RGS5: variants seen among roughly 807,000 people sequenced by gnomAD.
RGS5 encodes the protein regulator of G protein signaling 5.
RGS5 carries 20 observed loss-of-function variants against 18.9 expected under a neutral mutation model. The observed-to-expected ratio is 1.06, with a 90% CI of 0.74 to 1.54. RGS5 has a LOEUF of 1.54. RGS5 is among the 40% of genes most tolerant of loss of function. The pLI is 0.00. For missense variants in RGS5, 201 were observed against 211.8 expected, an observed-to-expected ratio of 0.95 and a Z score of 0.32; for synonymous variants, 57 against 76.2, an observed-to-expected ratio of 0.75 and a Z score of 1.31.
chr1:163,180,699 T>TTTTTTTTG (rs1557893095), intron 1 of RGS5, among the ~76,000 whole-genome samples: 1 of 129,072 alleles, frequency 7.7e-6, no homozygotes, highest in African/African-American at 3.1e-5. Flanking sequence ...TTTTTTTTTT[T>TTTTTTTTG]TTTTTTTTTT....
In RGS5 at chr1:163,245,532, T is replaced by A. The variant is rs183738176; in HGVS notation, c.-281+60701A>T. Among the ~76,000 whole-genome samples the A allele has an allele frequency of 8.5e-5, 13 of 152,328 alleles. No homozygotes were observed. In the East Asian group the frequency reaches 1.7e-3, roughly 20 times the overall value. The stretch of plus-strand genomic sequence containing the variant: ...CAAGCATATCATAAGATCTTAAAAA[T>A]CAGGAACCAAGGTTTTTGTATCGCC... On this transcript the variant is annotated intron_variant, in intron 2 of 5. Transcript: ENST00000618415.
At chr1:163,215,327 T>G (rs1660193890) in intron 1 of RGS5, among the ~76,000 whole-genome samples, 2 of 152,218 alleles carry the variant, frequency 1.3e-5, no homozygotes, top group South Asian at 4.1e-4. Flanking sequence ...ACTAGCTATG[T>G]GACCTTAGGC....
At chr1:163,187,313 A>C (rs911206705) in intron 1 of RGS5, among the ~76,000 whole-genome samples, 3 of 152,236 alleles carry the variant, frequency 2.0e-5, no homozygotes, top group Non-Finnish European at 4.4e-5. Context: ...GCTAAATGAG[A>C]ATGGCTATGG....
chr1:163,298,120 G>A (rs1294306026), intron 2 of RGS5, among the ~76,000 whole-genome samples: 2 of 151,890 alleles, frequency 1.3e-5, no homozygotes, highest in Non-Finnish European at 2.9e-5. Flanking sequence ...CAATACACAA[G>A]GCAAAATGCA....
At chr1:163,212,983 C>T (rs1429580319) in intron 1 of RGS5, 5 of 152,146 alleles carry the variant, frequency 3.3e-5, no homozygotes, top group Non-Finnish European at 5.9e-5. Flanking sequence ...ACTTCTACCA[C>T]TTCCTAGACT....
intron 3 of RGS5, among the ~76,000 whole-genome samples, chr1:163,157,015 A>C (rs1657609301): frequency 6.6e-6 from 1 of 152,214 alleles, no homozygotes; most frequent in African/African-American, 2.4e-5. Flanking sequence ...AGAAGGAAGA[A>C]AACCAAAGAG....
chr1:163,207,365 T>A (rs944386515), upstream of RGS5, among the ~76,000 whole-genome samples: 1 of 152,230 alleles, frequency 6.6e-6, no homozygotes, highest in African/African-American at 2.4e-5. Context: ...GAGCAGTTTA[T>A]CTATAATGTA....
At chr1:163,222,472 A>T (rs1407270566), upstream of RGS5, among the ~76,000 whole-genome samples, 2 of 151,866 alleles carry the variant, frequency 1.3e-5, no homozygotes, top group Non-Finnish European at 2.9e-5. Context: ...ATATCACCTG[A>T]CCTCCATAAG....
chr1:163,282,517 T>G (rs12117853), intron 2 of RGS5, among the ~76,000 whole-genome samples: 45,934 of 151,728 alleles, frequency 0.3, 7,014 homozygotes, highest in Non-Finnish European at 0.32. Flanking sequence ...AAAACAAGCA[T>G]AGGCTAAGTG....
At chr1:163,181,004 A>G (rs796110138) in intron 1 of RGS5, among the ~76,000 whole-genome samples, 2 of 151,936 alleles carry the variant, frequency 1.3e-5, no homozygotes, top group African/African-American at 2.4e-5. Context: ...CCCTGTTCTT[A>G]TCCCTAGCAA....
intron 4 of RGS5, among the ~76,000 whole-genome samples, chr1:163,148,904 AG>A (rs2102379999): frequency 6.6e-6 from 1 of 152,298 alleles, no homozygotes; most frequent in East Asian, 1.9e-4. Flanking sequence ...ACACTGATAA[AG>A]GTTTTGGGTC....
In RGS5 at chr1:163,168,496, CA is replaced by C. The variant is rs1355265023; in HGVS notation, c.45-129del. On this transcript the variant is annotated intron_variant, in intron 1 of 4. Transcript: ENST00000313961. ...CATTTCACTTTTATTTTTCTTGTGG[CA>C]GAAAGAATACTAATGCAGAAATTAG... 4 of 677,440 alleles carry C rather than the reference CA, an allele frequency of 5.9e-6. No homozygotes were observed. The African/African-American group carries it at 7.1e-5, about 12-fold the overall frequency. 42.0% of individuals were successfully genotyped at this position (677,440 alleles called of 1,614,324 possible).
At chr1:163,291,897 C>T (rs971257766) in intron 2 of RGS5, among the ~76,000 whole-genome samples, 23 of 152,146 alleles carry the variant, frequency 1.5e-4, no homozygotes, top group Admixed American at 1.1e-3. Context: ...ATGACATGAT[C>T]TCTGTGGCAA....
chr1:163,283,784 G>C (rs1050034157), intron 2 of RGS5, among the ~76,000 whole-genome samples: 1 of 152,176 alleles, frequency 6.6e-6, no homozygotes, highest in Admixed American at 6.5e-5. Flanking sequence ...GCTGAGGGCA[G>C]CCTCCAGCTA....
chr1:163,293,458 G>A (rs1182845013), intron 2 of RGS5, among the ~76,000 whole-genome samples: 1 of 152,088 alleles, frequency 6.6e-6, no homozygotes, highest in Non-Finnish European at 1.5e-5. Context: ...ACAGCAAAGG[G>A]GAAACTGTCC....
At chr1:163,152,795 G>C in intron 3 of RGS5, 79 bp from the exon 4 acceptor site, 1 of 1,346,304 alleles carries the variant, frequency 7.4e-7, no homozygotes, top group Non-Finnish European at 1.0e-6. Context: ...GAAAGGGAAA[G>C]GGCTTAGCAA....
intron 1 of RGS5, among the ~76,000 whole-genome samples, chr1:163,191,194 T>C (rs1307939232): frequency 6.6e-6 from 1 of 152,110 alleles, no homozygotes; most frequent in Non-Finnish European, 1.5e-5. Context: ...TGTGGCAGAT[T>C]CTTGGGTGGG....
Position 163,168,358 on chromosome 1 carries a change from T to C in RGS5, c.55A>G (p.Ile19Val). The C allele has an allele frequency of 6.2e-7, 1 of 1,613,254 alleles. No homozygotes were observed. The highest frequency in any genetic ancestry group is 8.5e-7 in the Non-Finnish European group (1 of 1,179,368). ...PHSCLERAKE[I>V]KIKLGILLQK... is the part of the protein sequence containing the mutation. ...AGGAGAATTCCCAACTTGATCTTAA[T>C]CTCCTTGGCCCTGAAAGAAGAGACA... Residue 19 changes from isoleucine (I) to valine (V), a missense_variant, in exon 2 of 5, where the codon ATT becomes GTT. Transcript: ENST00000313961.
chr1:163,190,164 C>T (rs990335556), intron 1 of RGS5, among the ~76,000 whole-genome samples: 3 of 151,996 alleles, frequency 2.0e-5, no homozygotes, highest in African/African-American at 7.3e-5. Flanking sequence ...CAAGCCCAAG[C>T]AATATAGAGT....
Sources: gnomAD v4.1 joint callset for allele counts (sites outside exome capture counted in the v4.1 genomes callset) on GRCh38, gnomAD v4.1.1 for gene constraint, MANE v1.5 for transcripts, NCBI Gene and HGNC (gene_info 2026-07-23, HGNC 2026-07-21) for gene names.